Variants in GFY observed in about 807,000 individuals in gnomAD.
The protein encoded by GFY is Golgi-associated olfactory signaling regulator.
GFY carries 28 observed loss-of-function variants against 29.1 expected under a neutral mutation model. The observed-to-expected ratio is 0.96, with a 90% CI of 0.71 to 1.32. The LOEUF (loss-of-function observed/expected upper bound fraction) is 1.32. Ranked by LOEUF, GFY falls within the 40% of genes most tolerant of loss-of-function variation. The pLI is 0.00. For synonymous variants in GFY, 277 were observed against 274.5 expected, an observed-to-expected ratio of 1.01 and a Z score of -0.09; for missense variants, 656 against 661.9, an observed-to-expected ratio of 0.99 and a Z score of 0.10.
At chr19:49,425,862 C>T (rs536494664) in intron 1 of GFY, among the ~76,000 whole-genome samples, 17 of 152,268 alleles carry the variant, frequency 1.1e-4, no homozygotes, top group African/African-American at 4.1e-4. Context: ...CTCTAAAGAA[C>T]CAGGAGCCAG....
At position 49,426,722 on chromosome 19, in the gene GFY, C is replaced by T. The variant is rs1975077080; in HGVS notation, c.292C>T (p.His98Tyr). 1 of 1,535,968 alleles carries T rather than the reference C, an allele frequency of 6.5e-7. No individual in the cohort carries two copies. The highest frequency in any genetic ancestry group is 8.7e-7 in the Non-Finnish European group (1 of 1,146,848). ...CAACCCTGACCTCCGAGAAACCCCG[C>T]ACCCAGAGTCTCCTGAGACCCCCAA... Reference protein sequence around the residue: ...PLNPDLRETPHPESPETPKAD... With the variant: ...PLNPDLRETPYPESPETPKAD... Residue 98 changes from histidine (H) to tyrosine (Y), a missense_variant, in exon 2 of 4, where the codon CAC becomes TAC. Physicochemically the swap from His to Tyr is moderately conservative, Grantham distance 83. Transcript: ENST00000610896.
At chr19:49,426,352 G>GGGCGGGGCTCCTGGGAGCC in intron 1 of GFY, 58 bp from the exon 2 acceptor site, 1 of 1,444,712 alleles carries the variant, frequency 6.9e-7, no homozygotes, top group Non-Finnish European at 9.0e-7. Flanking sequence ...CTCCGGGAGT[G>GGGCGGGGCTCCTGGGAGCC]GGCGGGGCTC....
rs777362473 is a variant in GFY at position 49,427,280 on chromosome 19, C to G, written c.850C>G (p.Leu284Val). The change falls in exon 2 of 4, where the codon CTC becomes GTC. Residue 284 changes from leucine to valine, a missense_variant. Transcript: ENST00000610896. ...RTSDPQISTSLYPETPVPFKD... is the reference protein window; with the variant it reads ...RTSDPQISTSVYPETPVPFKD... ...CTCCGACCCTCAAATCTCCACTAGT[C>G]TCTACCCAGAAACACCTGTGCCCTT... The G allele has an allele frequency of 6.5e-7, 1 of 1,536,080 alleles. No homozygotes were observed. The highest frequency in any genetic ancestry group is 8.7e-7 in the Non-Finnish European group (1 of 1,146,914).
Position 49,426,225 on chromosome 19 carries a change from A to G in GFY, c.-21-185A>G, listed in dbSNP as rs1463633358. Among the ~76,000 whole-genome samples the G allele has an allele frequency of 5.3e-5, 8 of 152,292 alleles. No homozygotes were observed. The East Asian group carries it at 1.5e-3, about 29-fold the overall frequency. On this transcript the variant is annotated intron_variant, in intron 1 of 3. Coordinates refer to ENST00000610896, the MANE Select transcript of GFY (RefSeq NM_001195256.2). ...CCCCGCGCCTCAGTCTCTCTTGGCT[A>G]CCTGGGCCATCGCCCCACAAGCCTC...
Position 49,428,825 on chromosome 19 carries a change from C to T in GFY, c.*7C>T, listed in dbSNP as rs2078945439. 1.4e-6 allele frequency: 2 copies of T among 1,427,774 alleles called. No homozygotes were observed. The highest frequency in any genetic ancestry group is 1.5e-5 in the African/African-American group (1 of 68,930). 88.4% of individuals were successfully genotyped at this position (1,427,774 alleles called of 1,614,324 possible). A position where few individuals can be genotyped will look rare whatever the true frequency, so the allele number is the denominator to read the frequency against. On this transcript the variant is annotated 3_prime_UTR_variant, in exon 4 of 4. Coordinates refer to ENST00000610896, the MANE Select transcript of GFY (RefSeq NM_001195256.2). ...CCCCAACAACTTCGTGTGAGCCCCACCGAGTTCTGCCGGACCTGCACATCC... is the reference window on the plus strand; with the variant it reads ...CCCCAACAACTTCGTGTGAGCCCCATCGAGTTCTGCCGGACCTGCACATCC...
At chr19:49,425,753 C>T (rs1768076722) in intron 1 of GFY, among the ~76,000 whole-genome samples, 1 of 152,148 alleles carries the variant, frequency 6.6e-6, no homozygotes, top group Non-Finnish European at 1.5e-5. Context: ...ACTCAGGAAC[C>T]AAGAGCTCAA....
rs1600979636 is a variant in GFY, at chr19:49,428,121, T to A, written c.1357+2T>A. ...TTCCGGACGACGGAGATGAACCGGGTGAGCGCCCTGCCCCTTGAATGCCTG... is the reference window on the plus strand; with the variant it reads ...TTCCGGACGACGGAGATGAACCGGGAGAGCGCCCTGCCCCTTGAATGCCTG... On this transcript the variant is annotated splice_donor_variant, in intron 3 of 3. Coordinates refer to ENST00000610896, the MANE Select transcript of GFY (RefSeq NM_001195256.2). LOFTEE classifies it high-confidence loss of function. The A allele has an allele frequency of 2.6e-6, 4 of 1,530,302 alleles. No homozygotes were observed. In the South Asian group the frequency reaches 4.8e-5, roughly 18 times the overall value. The allele number at this position is 1,530,302 out of a possible 1,614,324, so 94.8% of individuals were successfully genotyped here.
At chr19:49,427,823 C>A in intron 2 of GFY, 123 bp from the exon 3 acceptor site, 1 of 1,288,688 alleles carries the variant, frequency 7.8e-7, no homozygotes, top group Non-Finnish European at 1.0e-6. Context: ...ACTCCTGGGT[C>A]TGAGGGAGAA....
intron 3 of GFY, 104 bp downstream of exon 3, chr19:49,428,223 A>G: frequency 6.6e-6 from 9 of 1,357,216 alleles, no homozygotes; most frequent in South Asian, 1.4e-5. Context: ...CCCAAGGTCA[A>G]TGAAAGCCCT....
At chr19:49,426,301 C>G in intron 1 of GFY, 109 bp from the exon 2 acceptor site, 1 of 1,429,494 alleles carries the variant, frequency 7.0e-7, no homozygotes, top group Non-Finnish European at 9.1e-7. Flanking sequence ...CAAGCTGGGC[C>G]CCGGACAGAC....
intron 1 of GFY, among the ~76,000 whole-genome samples, chr19:49,425,986 C>T (rs994653485): frequency 2.6e-5 from 4 of 152,146 alleles, no homozygotes; most frequent in Non-Finnish European, 5.9e-5. Flanking sequence ...CAGCCCTCAG[C>T]CGTTAGGAGC....
Position 49,426,700 on chromosome 19 carries a change from C to A in GFY, c.270C>A (p.Asn90Lys). The A allele has an allele frequency of 3.3e-6, 5 of 1,536,200 alleles. No individual in the cohort carries two copies. Among genetic ancestry groups the A allele is most frequent in the Non-Finnish European group, 4.4e-6 (5 of 1,146,890 alleles). The change falls in exon 2 of 4, where the codon AAC becomes AAA. Residue 90 changes from asparagine to lysine, a missense_variant. Asn to Lys is a moderately conservative substitution (Grantham distance 94). Transcript: ENST00000610896. Reference protein sequence around the residue: ...TFPLDFTEPLNPDLRETPHPE... With the variant: ...TFPLDFTEPLKPDLRETPHPE... ...CACTTGACTTCACTGAGCCCCTCAA[C>A]CCTGACCTCCGAGAAACCCCGCACC...
At chr19:49,424,617 G>T (rs898261386), upstream of GFY, among the ~76,000 whole-genome samples, 1 of 151,654 alleles carries the variant, frequency 6.6e-6, no homozygotes, top group African/African-American at 2.4e-5. Flanking sequence ...TTGGAAGGCC[G>T]TGGTGGGTGG....
chr19:49,426,590 C>G lies in GFY; in HGVS notation c.160C>G (p.Arg54Gly), dbSNP rs1268986957. The G allele has an allele frequency of 5.9e-6, 9 of 1,535,992 alleles. No individual in the cohort carries two copies. The South Asian group carries it at 9.5e-5, about 16-fold the overall frequency. Residue 54 changes from arginine to glycine, a missense_variant, in exon 2 of 4, where the codon CGA (arginine) becomes GGA (glycine). Coordinates refer to ENST00000610896, the MANE Select transcript of GFY (RefSeq NM_001195256.2). The stretch of plus-strand genomic sequence containing the variant: ...GAAGGGTGCTTCTGAAAATTCCAAA[C>G]GAGATCGCCTTAACCCAGAATTTCC... ...PLKGASENSK[R>G]DRLNPEFPGT... is the part of the protein sequence containing the mutation.
rs922012232 is a variant in GFY, at chr19:49,426,699, A to G, written c.269A>G (p.Asn90Ser). Residue 90 changes from asparagine to serine, a missense_variant, in exon 2 of 4, where the codon AAC becomes AGC. Physicochemically the swap from Asn to Ser is conservative, Grantham distance 46 (BLOSUM62 1). Coordinates refer to ENST00000610896, the MANE Select transcript of GFY (RefSeq NM_001195256.2). ...CCACTTGACTTCACTGAGCCCCTCA[A>G]CCCTGACCTCCGAGAAACCCCGCAC... The part of the protein sequence containing the change: ...TFPLDFTEPL[N>S]PDLRETPHPE... 2.0e-6 allele frequency: 3 copies of G among 1,535,966 alleles called. No individual in the cohort carries two copies. Among genetic ancestry groups the G allele is most frequent in the African/African-American group, 1.4e-5 (1 of 72,924 alleles).
chr19:49,427,644 G>C, intron 2 of GFY, 31 bp downstream of exon 2: 1 of 1,446,960 alleles, frequency 6.9e-7, no homozygotes, highest in Non-Finnish European at 9.0e-7. Flanking sequence ...TCCTGAGTCT[G>C]AGGGAGGGGC....
At chr19:49,425,900 C>T (rs1484867076) in intron 1 of GFY, among the ~76,000 whole-genome samples, 1 of 152,182 alleles carries the variant, frequency 6.6e-6, no homozygotes, top group Non-Finnish European at 1.5e-5. Flanking sequence ...CCCTGCAAGA[C>T]GCAGGAGTCT....
At chr19:49,426,272 C>G in intron 1 of GFY, 138 bp from the exon 2 acceptor site, 1 of 1,371,728 alleles carries the variant, frequency 7.3e-7, no homozygotes, top group Non-Finnish European at 9.6e-7. Flanking sequence ...CGATTGGGTT[C>G]TCTTCCCATC....
At chr19:49,428,373 A>G (rs2078942870) in intron 3 of GFY, among the ~76,000 whole-genome samples, 1 of 151,832 alleles carries the variant, frequency 6.6e-6, no homozygotes, top group Admixed American at 6.6e-5. Flanking sequence ...CCCTCCAGGT[A>G]CGCGGCCCGG....
Sources: allele counts gnomAD v4.1 joint callset (sites outside exome capture counted in the v4.1 genomes callset), GRCh38; gene constraint gnomAD v4.1.1; transcripts MANE v1.5; gene names NCBI Gene and HGNC (gene_info 2026-07-23, HGNC 2026-07-21).